The following DNAJC13 variants were observed in gnomAD, a reference collection of about 807,000 sequenced individuals.
DNAJC13 encodes the protein DnaJ heat shock protein family (Hsp40) member C13.
A neutral mutation model predicts 290.5 loss-of-function variants in DNAJC13; 75 were observed. The observed-to-expected ratio is 0.26, with a 90% confidence interval of 0.21 to 0.31. The LOEUF (loss-of-function observed/expected upper bound fraction) is 0.31, where lower values mean the gene tolerates loss of function less well. Ranked by LOEUF, DNAJC13 falls within the 10% of genes least tolerant of loss-of-function variation. The probability of loss-of-function intolerance (pLI) is 1.00; values close to 1 mark genes in which losing one functional copy is unlikely to be tolerated. For synonymous variants in DNAJC13, 862 were observed against 892.0 expected, an observed-to-expected ratio of 0.97 and a Z score of 0.60; for missense variants, 2,260 against 2,674.5, an observed-to-expected ratio of 0.85 and a Z score of 3.42.
intron 44 of DNAJC13, 36 bp downstream of exon 44, chr3:132,511,280 T>C (rs751221518): frequency 4.9e-5 from 78 of 1,603,720 alleles, no homozygotes; most frequent in Non-Finnish European, 6.6e-5. Context: ...AAGACTCGTA[T>C]AATACAGGAG....
chr3:132,511,507 G>A (rs1037448937), intron 44 of DNAJC13, among the ~76,000 whole-genome samples: 1 of 152,126 alleles, frequency 6.6e-6, no homozygotes, highest in Non-Finnish European at 1.5e-5. Context: ...TAGTTTGATA[G>A]TATAAAATTT....
chr3:132,522,164 A>G (rs1267438710), intron 48 of DNAJC13, among the ~76,000 whole-genome samples: 1 of 152,198 alleles, frequency 6.6e-6, no homozygotes, highest in Non-Finnish European at 1.5e-5. Context: ...CCGTAAGATA[A>G]GATTTGAGCC....
chr3:132,437,477 C>T (rs1282833667), intron 2 of DNAJC13, among the ~76,000 whole-genome samples: 2 of 152,122 alleles, frequency 1.3e-5, no homozygotes, highest in Non-Finnish European at 2.9e-5. Flanking sequence ...GCTTTAATTG[C>T]GTTAATTTTT....
chr3:132,442,290 C>A (rs375185021), intron 2 of DNAJC13, among the ~76,000 whole-genome samples: 1 of 151,988 alleles, frequency 6.6e-6, no homozygotes, highest in Non-Finnish European at 1.5e-5. Context: ...AGCCACTGCA[C>A]CCGGCCACAA....
At chr3:132,467,387 A>G in intron 20 of DNAJC13, 74 bp downstream of exon 20, 1 of 1,492,918 alleles carries the variant, frequency 6.7e-7, no homozygotes. Context: ...TGCTGTTCAC[A>G]GAGATGGTAT....
chr3:132,529,857 A>G (rs1315121581), intron 54 of DNAJC13, among the ~76,000 whole-genome samples: 2 of 151,694 alleles, frequency 1.3e-5, no homozygotes, highest in Non-Finnish European at 2.9e-5. Flanking sequence ...AAGAGACTGC[A>G]GTATTGCTGC....
intron 4 of DNAJC13, 128 bp downstream of exon 4, chr3:132,447,598 C>A: frequency 1.0e-6 from 1 of 981,128 alleles, no homozygotes; most frequent in Non-Finnish European, 1.4e-6. Flanking sequence ...TTCTTACTGA[C>A]CTTTAACTTG....
chr3:132,447,335 C>T lies in DNAJC13; in HGVS notation c.159C>T (p.Asp53=). ...TTTTTTTTAAGTGGCCTTATGGAGACATTTGCAGCATCAGCCCTGTTGGAA... is the reference window on the plus strand; with the variant it reads ...TTTTTTTTAAGTGGCCTTATGGAGATATTTGCAGCATCAGCCCTGTTGGAA... ...LEVTNQWPYG[D]ICSISPVGKG... is the part of the protein sequence containing the mutation. Residue 53 remains aspartate, a synonymous_variant, in exon 4 of 56, where the codon GAC becomes GAT. Coordinates refer to ENST00000260818, the MANE Select transcript of DNAJC13 (RefSeq NM_015268.4). 11 of 1,576,486 alleles carry T rather than the reference C, an allele frequency of 7.0e-6. No individual in the cohort carries two copies. Among genetic ancestry groups the T allele is most frequent in the Non-Finnish European group, 9.4e-6 (11 of 1,167,352 alleles).
rs1052442376 is a variant in DNAJC13 at position 132,526,080 on chromosome 3, T to C, written c.6241-61T>C. Reference sequence around the variant, plus strand: ...TACTTATTTACTTATTTTGTTATGGTATTTACTATGTTATATAAATATTGC... The same window carrying C: ...TACTTATTTACTTATTTTGTTATGGCATTTACTATGTTATATAAATATTGC... On this transcript the variant is annotated intron_variant, in intron 52 of 55. Coordinates refer to ENST00000260818, the MANE Select transcript of DNAJC13 (RefSeq NM_015268.4). The C allele has an allele frequency of 1.3e-5, 21 of 1,580,716 alleles. No homozygotes were observed. In the African/African-American group the frequency reaches 1.8e-4, roughly 13 times the overall value.
Position 132,447,345 on chromosome 3 carries a change from A to G in DNAJC13, c.169A>G (p.Ile57Val). 1.1e-5 allele frequency: 17 copies of G among 1,594,044 alleles called. No individual in the cohort carries two copies. Among genetic ancestry groups the G allele is most frequent in the Non-Finnish European group, 1.4e-5 (17 of 1,173,070 alleles). The change falls in exon 4 of 56, where the codon ATC (isoleucine) becomes GTC (valine). Residue 57 changes from isoleucine to valine, a missense_variant. This residue lies in a region of DNAJC13 where 762 missense variants were observed against 964.1 expected (regional missense o/e 0.79). Coordinates refer to ENST00000260818, the MANE Select transcript of DNAJC13 (RefSeq NM_015268.4). Reference sequence around the variant, plus strand: ...GTGGCCTTATGGAGACATTTGCAGCATCAGCCCTGTTGGAAAAGGACAAGG... The same window carrying G: ...GTGGCCTTATGGAGACATTTGCAGCGTCAGCCCTGTTGGAAAAGGACAAGG... ...NQWPYGDICS[I>V]SPVGKGQGTE...
intron 20 of DNAJC13, among the ~76,000 whole-genome samples, chr3:132,471,152 G>C: frequency 7.6e-6 from 1 of 131,672 alleles, no homozygotes; most frequent in Admixed American, 7.3e-5. Flanking sequence ...CGGGGTGGCT[G>C]GCCCGGCTGA....
chr3:132,482,079 A>G, intron 26 of DNAJC13, 147 bp from the exon 27 acceptor site: 2 of 554,572 alleles, frequency 3.6e-6, no homozygotes, highest in East Asian at 3.1e-5. Context: ...AAACTCTTAA[A>G]TCTTAAAATA....
intron 1 of DNAJC13, among the ~76,000 whole-genome samples, chr3:132,425,070 A>T (rs189321343): frequency 6.6e-6 from 1 of 152,154 alleles, no homozygotes; most frequent in Non-Finnish European, 1.5e-5. Flanking sequence ...TTTGAAACCA[A>T]ACTAATCTAG....
rs769321505 is a variant in DNAJC13 at position 132,467,250 on chromosome 3, C to G, written c.2145C>G (p.Ala715=). 6.2e-7 allele frequency: 1 copy of G among 1,613,612 alleles called. No homozygotes were observed. The highest frequency in any genetic ancestry group is 8.5e-7 in the Non-Finnish European group (1 of 1,179,816). Residue 715 remains alanine (A), a synonymous_variant, in exon 20 of 56, where the codon GCC becomes GCG. Transcript: ENST00000260818. The part of the protein sequence containing the change: ...GKAAKEVEKF[A]KEKVDLVLMH... ...CTGCTAAAGAAGTTGAAAAATTTGC[C>G]AAAGAAAAAGTGGATCTTGTATTGA...
intron 1 of DNAJC13, among the ~76,000 whole-genome samples, chr3:132,418,295 C>G (rs1230087346): frequency 6.6e-6 from 1 of 152,218 alleles, no homozygotes; most frequent in Non-Finnish European, 1.5e-5. Context: ...TAAGGCTTTT[C>G]CTTCCTGCAA....
chr3:132,504,655 G>T (rs1010523775), intron 41 of DNAJC13, among the ~76,000 whole-genome samples: 1 of 152,146 alleles, frequency 6.6e-6, no homozygotes, highest in African/African-American at 2.4e-5. Flanking sequence ...CCTATTAGCA[G>T]TAGACCTCTG....
intron 48 of DNAJC13, 33 bp from the exon 49 acceptor site, chr3:132,522,795 G>T: frequency 1.3e-6 from 2 of 1,548,894 alleles, no homozygotes; most frequent in Non-Finnish European, 1.7e-6. Context: ...TTTCCAATAG[G>T]TGTCTTTTTC....
At chr3:132,484,538 A>G in intron 28 of DNAJC13, 50 bp from the exon 29 acceptor site, 2 of 1,557,736 alleles carry the variant, frequency 1.3e-6, no homozygotes, top group Non-Finnish European at 1.8e-6. Context: ...CTCTGAACAT[A>G]CAAATTTTAA....
In DNAJC13 at chr3:132,525,328, G is replaced by A. The variant is rs573763479; in HGVS notation, c.6061-282G>A. On this transcript the variant is annotated intron_variant, in intron 51 of 55. Transcript: ENST00000260818. ...GCACTCCAGCCTGGGCAACAAGAGC[G>A]AAACTCCGTCTCAAAAAAAACCTGC... Among the ~76,000 whole-genome samples, 29 of 152,162 alleles carry A rather than the reference G, an allele frequency of 1.9e-4. No homozygotes were observed. In the South Asian group the frequency reaches 5.2e-3, roughly 27 times the overall value.
Sources: gnomAD v4.1 joint callset for allele counts (sites outside exome capture counted in the v4.1 genomes callset) on GRCh38, gnomAD v4.1.1 for gene constraint, gnomAD v4.1.1 regional missense constraint, MANE v1.5 for transcripts, NCBI Gene and HGNC (gene_info 2026-07-23, HGNC 2026-07-21) for gene names.